Variants in UGT1A4 observed in about 807,000 individuals in gnomAD.
The protein encoded by UGT1A4 is UDP-glucuronosyltransferase 1A4.
Under a neutral mutation model 41.1 loss-of-function variants are expected in UGT1A4, and 32 were observed. The observed-to-expected ratio is 0.78, with a 90% CI of 0.59 to 1.05. The LOEUF is 1.05. Among genes scored for constraint, UGT1A4 ranks in the 50% least tolerant of loss-of-function variants. UGT1A4 has a pLI of 0.00. For synonymous variants in UGT1A4, 283 were observed against 265.1 expected (o/e 1.07, Z -0.66); for missense variants, 748 against 677.4 (o/e 1.10, Z -1.16).
At chr2:233,742,932 T>A in intron 1 of UGT1A4, 1 of 195,120 alleles carries the variant, frequency 5.1e-6, no homozygotes. Flanking sequence ...CTGAACATTC[T>A]GTCCTACCAC....
chr2:233,742,517 C>A (rs1053081898), intron 1 of UGT1A4, among the ~76,000 whole-genome samples: 5 of 151,892 alleles, frequency 3.3e-5, no homozygotes, highest in African/African-American at 1.2e-4. Context: ...GAACACGTCA[C>A]AGTGCTGCAG....
intron 1 of UGT1A4, chr2:233,747,822 C>T (rs1361602523): frequency 6.2e-7 from 1 of 1,613,368 alleles, no homozygotes; most frequent in Non-Finnish European, 8.5e-7. Context: ...CAATTCAGAC[C>T]ACATGACATT....
rs188955971 is a variant in UGT1A4 at position 233,750,968 on chromosome 2, T to C, written c.868-16066T>C. ...ACAGAGTCTCCACTGGGGCACTGCC[T>C]AGTGGAGTTGTGAGAAGGCGGCCAC... is the stretch of plus-strand genomic sequence containing the variant. On this transcript the variant is annotated intron_variant, in intron 1 of 4. Transcript: ENST00000373409. Among the ~76,000 whole-genome samples the C allele has an allele frequency of 4.3e-4, 66 of 151,860 alleles. 1 individual carries two copies. The highest frequency in any genetic ancestry group is 3.5e-3 in the Admixed American group (53 of 15,300).
At chr2:233,768,544 T>C in intron 4 of UGT1A4, 105 bp downstream of exon 4, 1 of 1,425,890 alleles carries the variant, frequency 7.0e-7, no homozygotes, top group South Asian at 1.4e-5. Context: ...GTTTCAAATA[T>C]AAAAACAAAT....
chr2:233,758,177 A>G (rs1696814164), intron 1 of UGT1A4, among the ~76,000 whole-genome samples: 1 of 152,208 alleles, frequency 6.6e-6, no homozygotes, highest in African/African-American at 2.4e-5. Flanking sequence ...TTCAGAGCAG[A>G]TATTAATTGG....
At chr2:233,734,121 T>TAAA (rs1021409062) in intron 1 of UGT1A4, among the ~76,000 whole-genome samples, 6 of 151,862 alleles carry the variant, frequency 4.0e-5, no homozygotes, top group African/African-American at 1.5e-4. Context: ...ATAATAATAA[T>TAAA]AAAAAGAATT....
At chr2:233,746,994 G>C (rs922899059) in intron 1 of UGT1A4, among the ~76,000 whole-genome samples, 7 of 151,864 alleles carry the variant, frequency 4.6e-5, no homozygotes, top group African/African-American at 1.7e-4. Context: ...GGTCAGATGA[G>C]TTTTTCAAGT....
At chr2:233,749,911 T>C (rs1694301835) in intron 1 of UGT1A4, among the ~76,000 whole-genome samples, 2 of 151,950 alleles carry the variant, frequency 1.3e-5, no homozygotes, top group Non-Finnish European at 2.9e-5. Flanking sequence ...CACCTGGAAC[T>C]GTGAGTCAAT....
At chr2:233,743,983 G>A (rs1033622103) in intron 1 of UGT1A4, 34 of 1,288,222 alleles carry the variant, frequency 2.6e-5, no homozygotes, top group Middle Eastern at 4.7e-4. Flanking sequence ...GCACCCAGGC[G>A]CAGGCCCGAG....
intron 1 of UGT1A4, among the ~76,000 whole-genome samples, chr2:233,740,339 A>G (rs1249228201): frequency 7.9e-5 from 12 of 151,952 alleles, no homozygotes; most frequent in Non-Finnish European, 1.5e-4. Flanking sequence ...GAGAAAGTTG[A>G]TGAGAAAGTG....
intron 1 of UGT1A4, chr2:233,729,551 A>G (rs749535297): frequency 1.9e-6 from 3 of 1,614,038 alleles, no homozygotes; most frequent in Non-Finnish European, 2.5e-6. Flanking sequence ...AGGCACCTGA[A>G]TGCTACTTCC....
chr2:233,763,021 T>C (rs1698218577), intron 1 of UGT1A4, among the ~76,000 whole-genome samples: 1 of 152,256 alleles, frequency 6.6e-6, no homozygotes, highest in Non-Finnish European at 1.5e-5. Context: ...TTGCATTATG[T>C]TAGCCATTGT....
chr2:233,719,869 A>G (rs1253818666), intron 1 of UGT1A4, among the ~76,000 whole-genome samples, 182 bp downstream of exon 1: 1 of 152,178 alleles, frequency 6.6e-6, no homozygotes, highest in Non-Finnish European at 1.5e-5. Flanking sequence ...ACTGAGAGGA[A>G]GAAGAGGCAC....
intron 1 of UGT1A4, chr2:233,743,354 T>A: frequency 5.1e-6 from 5 of 972,108 alleles, no homozygotes. Flanking sequence ...GACATGGACT[T>A]GAAGCTGCCT....
At chr2:233,756,974 T>C (rs1036999646) in intron 1 of UGT1A4, among the ~76,000 whole-genome samples, 2 of 151,942 alleles carry the variant, frequency 1.3e-5, no homozygotes, top group South Asian at 2.1e-4. Context: ...AAGCACGCAA[T>C]GAACAGTCAT....
At chr2:233,720,301 T>C (rs1312639671) in intron 1 of UGT1A4, among the ~76,000 whole-genome samples, 1 of 151,768 alleles carries the variant, frequency 6.6e-6, no homozygotes, top group Non-Finnish European at 1.5e-5. Flanking sequence ...GAGTTGGGGG[T>C]CTGGTGTATG....
chr2:233,735,441 C>T (rs867526694), intron 1 of UGT1A4, among the ~76,000 whole-genome samples: 5 of 151,950 alleles, frequency 3.3e-5, no homozygotes, highest in African/African-American at 9.7e-5. Flanking sequence ...TACAGCATAC[C>T]GATGGGCCTT....
At position 233,767,103 on chromosome 2, in the gene UGT1A4, T is replaced by G; in HGVS notation, c.937T>G (p.Ser313Ala). Reference sequence around the variant, plus strand: ...GGTTTTCTCTTTGGGATCAATGGTCTCAGAAATTCCAGAGAAGAAAGCTAT... The same window carrying G: ...GGTTTTCTCTTTGGGATCAATGGTCGCAGAAATTCCAGAGAAGAAAGCTAT... Reference protein sequence around the residue: ...IVVFSLGSMVSEIPEKKAMAI... With the variant: ...IVVFSLGSMVAEIPEKKAMAI... Residue 313 changes from serine to alanine, a missense_variant, in exon 2 of 5, where the codon TCA becomes GCA. Ser to Ala is a moderately conservative substitution (Grantham distance 99). Coordinates refer to ENST00000373409, the MANE Select transcript of UGT1A4 (RefSeq NM_007120.3). 6.2e-7 allele frequency: 1 copy of G among 1,614,148 alleles called. No individual in the cohort carries two copies. Among genetic ancestry groups the G allele is most frequent in the South Asian group, 1.1e-5 (1 of 91,074 alleles).
At chr2:233,747,099 C>T (rs1382470135) in intron 1 of UGT1A4, 1 of 1,328,162 alleles carries the variant, frequency 7.5e-7, no homozygotes, top group African/African-American at 1.5e-5. Context: ...ACTCTATCTT[C>T]CAATTACATG....
Sources: gnomAD v4.1 joint callset for allele counts (sites outside exome capture counted in the v4.1 genomes callset) on GRCh38, gnomAD v4.1.1 for gene constraint, MANE v1.5 for transcripts, NCBI Gene and HGNC (gene_info 2026-07-23, HGNC 2026-07-21) for gene names.